The following DZIP1L variants were observed in gnomAD, a reference collection of about 807,000 sequenced individuals.
DZIP1L encodes DAZ interacting zinc finger protein 1 like.
DZIP1L carries 90 observed loss-of-function variants against 88.7 expected under a neutral mutation model. That is an observed-to-expected ratio of 1.02 (90% confidence interval 0.86 to 1.21). The LOEUF (loss-of-function observed/expected upper bound fraction) is 1.21, where lower values mean the gene tolerates loss of function less well. DZIP1L is among the 50% of genes most tolerant of loss of function. The probability of loss-of-function intolerance (pLI) is 0.00; values close to 1 mark genes in which losing one functional copy is unlikely to be tolerated. For missense variants in DZIP1L, 932 were observed against 955.8 expected (o/e 0.98, Z 0.33); for synonymous variants, 363 against 372.1 (o/e 0.98, Z 0.28).
intron 1 of DZIP1L, among the ~76,000 whole-genome samples, chr3:138,114,012 A>G (rs1010457725): frequency 4.6e-5 from 7 of 152,266 alleles, no homozygotes; most frequent in South Asian, 4.1e-4. Context: ...CCAGATGCAG[A>G]ATTGTAAAAC....
intron 8 of DZIP1L, 51 bp downstream of exon 8, chr3:138,084,062 G>T: frequency 6.3e-7 from 1 of 1,594,236 alleles, no homozygotes; most frequent in Non-Finnish European, 8.5e-7. Flanking sequence ...ATCCTCACAG[G>T]AAAGAGGCCC....
rs370826457 is a variant in DZIP1L at position 138,108,236 on chromosome 3, G to A, written c.-81-4184C>T. The A allele has an allele frequency of 2.0e-4, 193 of 985,310 alleles. 3 individuals carry two copies. The South Asian group carries it at 5.5e-3, about 28-fold the overall frequency. The allele number at this position is 985,310 out of a possible 1,614,324, so 61.0% of individuals were successfully genotyped here. On this transcript the variant is annotated intron_variant, in intron 1 of 15. Transcript: ENST00000327532. The stretch of plus-strand genomic sequence containing the variant: ...GCAACTGTGCCACCAGAGCCTCAGA[G>A]ACGACTACTCACAACAAGCTGTGCC...
intron 15 of DZIP1L, chr3:138,064,309 G>A (rs532814266): frequency 6.0e-4 from 713 of 1,197,566 alleles, no homozygotes; most frequent in Non-Finnish European, 7.3e-4. Flanking sequence ...GACCGGGCTG[G>A]AAGAGCAGCT....
At chr3:138,083,240 G>A (rs1249377481) in intron 8 of DZIP1L, among the ~76,000 whole-genome samples, 1 of 152,200 alleles carries the variant, frequency 6.6e-6, no homozygotes, top group Non-Finnish European at 1.5e-5. Context: ...AGTGTTTTGG[G>A]GGGAAACTGA....
intron 12 of DZIP1L, among the ~76,000 whole-genome samples, chr3:138,069,385 G>A (rs568742115): frequency 2.0e-5 from 3 of 152,316 alleles, no homozygotes; most frequent in Non-Finnish European, 4.4e-5. Flanking sequence ...AGTAGGCTAT[G>A]AGTAGTTAAG....
intron 13 of DZIP1L, 62 bp downstream of exon 13, chr3:138,068,089 G>A: frequency 7.2e-7 from 1 of 1,386,588 alleles, no homozygotes; most frequent in Non-Finnish European, 9.5e-7. Context: ...CCCAGAACAG[G>A]ACTGCCTGAA....
Position 138,067,673 on chromosome 3 carries a change from G to C in DZIP1L, c.1860C>G (p.Asp620Glu). 6.2e-7 allele frequency: 1 copy of C among 1,603,254 alleles called. No individual in the cohort carries two copies. Among genetic ancestry groups the C allele is most frequent in the Non-Finnish European group, 8.5e-7 (1 of 1,175,374 alleles). The change falls in exon 14 of 16, where the codon GAC (aspartate) becomes GAG (glutamate). Residue 620 changes from aspartate (D) to glutamate (E), a missense_variant. By Grantham distance (45) the Asp-to-Glu change is conservative. Transcript: ENST00000327532. ...MSTPPFSSEE[D>E]SEGDRVQRVS... Reference sequence around the variant, plus strand: ...CACGCTGCACACGGTCTCCCTCTGAGTCCTCTTCAGAACTGAACGGGGGCG... The same window carrying C: ...CACGCTGCACACGGTCTCCCTCTGACTCCTCTTCAGAACTGAACGGGGGCG...
chr3:138,104,979 A>G (rs2042439761), intron 1 of DZIP1L, among the ~76,000 whole-genome samples: 2 of 152,234 alleles, frequency 1.3e-5, no homozygotes, highest in South Asian at 4.1e-4. Flanking sequence ...AGCATCTTTT[A>G]TAAAAGCAAA....
chr3:138,076,713 A>G (rs1383278903), intron 11 of DZIP1L, among the ~76,000 whole-genome samples: 5 of 152,176 alleles, frequency 3.3e-5, no homozygotes, highest in Non-Finnish European at 7.3e-5. Flanking sequence ...CTCTGAGGAC[A>G]CAAAGGCATA....
At chr3:138,074,234 A>T (rs1431176522) in intron 11 of DZIP1L, among the ~76,000 whole-genome samples, 3 of 152,206 alleles carry the variant, frequency 2.0e-5, no homozygotes, top group Non-Finnish European at 4.4e-5. Context: ...TTGCAAAAAG[A>T]TCATCACCTA....
Position 138,103,536 on chromosome 3 carries a change from G to T in DZIP1L, c.436C>A (p.Arg146Ser), listed in dbSNP as rs150414131. ...LKGVREESRR[R>S]RKMISTLQQL... ...TGCAGGGTGCTGATCATCTTGCGAC[G>T]CCGGCGGCTCTCCTCCCGCACACCC... is the stretch of plus-strand genomic sequence containing the variant. The change falls in exon 2 of 16, where the codon CGT (arginine) becomes AGT (serine). Residue 146 changes from arginine to serine, a missense_variant. Transcript: ENST00000327532. 22 of 1,610,814 alleles carry T rather than the reference G, an allele frequency of 1.4e-5. No homozygotes were observed. The East Asian group carries it at 4.7e-4, about 34-fold the overall frequency.
At chr3:138,111,525 C>G (rs990426389) in intron 1 of DZIP1L, among the ~76,000 whole-genome samples, 1 of 152,190 alleles carries the variant, frequency 6.6e-6, no homozygotes, top group Admixed American at 6.5e-5. Flanking sequence ...CTGAAACCTT[C>G]ATACTTACAC....
At chr3:138,066,220 G>C (rs1007369293) in intron 14 of DZIP1L, among the ~76,000 whole-genome samples, 4 of 152,182 alleles carry the variant, frequency 2.6e-5, no homozygotes, top group Non-Finnish European at 4.4e-5. Context: ...ATGTGTTCTT[G>C]AAAACTATAT....
intron 5 of DZIP1L, among the ~76,000 whole-genome samples, chr3:138,090,383 C>A (rs542400188): frequency 6.6e-6 from 1 of 152,278 alleles, no homozygotes; most frequent in African/African-American, 2.4e-5. Flanking sequence ...AGTCAGCTAG[C>A]ACTGCGTCGG....
intron 9 of DZIP1L, 63 bp downstream of exon 9, chr3:138,081,671 G>A (rs1943658846): frequency 6.5e-7 from 1 of 1,532,900 alleles, no homozygotes; most frequent in East Asian, 2.4e-5. Context: ...AGAGGGAAAA[G>A]GAGGGAGAAA....
chr3:138,082,260 C>G (rs1049908258), intron 8 of DZIP1L, among the ~76,000 whole-genome samples: 1 of 152,112 alleles, frequency 6.6e-6, no homozygotes, highest in Non-Finnish European at 1.5e-5. Context: ...CCTGTTCCTT[C>G]CCCCTTCATG....
Position 138,063,809 on chromosome 3 carries a change from T to C in DZIP1L, c.2142+819A>G, listed in dbSNP as rs930918346. Among the ~76,000 whole-genome samples, 2 of 152,240 alleles carry C rather than the reference T, an allele frequency of 1.3e-5. No homozygotes were observed. Among genetic ancestry groups the C allele is most frequent in the East Asian group, 3.8e-4 (2 of 5,204 alleles). ...ATTACTCACAAACATACAGGAGCTG[T>C]GTGGTAAACCAAACACACTGTGGTA... On this transcript the variant is annotated intron_variant, in intron 15 of 15. Transcript: ENST00000327532. This position sits in a 1 kb window ranked among gnomAD's most constrained non-coding sequence, Gnocchi z 4.1.
At chr3:138,109,163 A>G (rs1190161023) in intron 1 of DZIP1L, among the ~76,000 whole-genome samples, 1 of 152,234 alleles carries the variant, frequency 6.6e-6, no homozygotes, top group African/African-American at 2.4e-5. Context: ...GTACCTCTCT[A>G]GCTGCATCTC....
At chr3:138,106,534 T>TA (rs201271789) in intron 1 of DZIP1L, among the ~76,000 whole-genome samples, 3,872 of 151,670 alleles carry the variant, frequency 0.026, 156 homozygotes, top group African/African-American at 0.088. Flanking sequence ...AGAAGGCCTT[T>TA]AAAAAATCGT....
Sources: gnomAD v4.1 joint callset for allele counts (sites outside exome capture counted in the v4.1 genomes callset) on GRCh38, gnomAD v4.1.1 for gene constraint, Gnocchi (gnomAD v3.1) non-coding constraint, MANE v1.5 for transcripts, NCBI Gene and HGNC (gene_info 2026-07-23, HGNC 2026-07-21) for gene names.